Variants in CAMK1G observed in about 807,000 individuals in gnomAD.
CAMK1G encodes the protein calcium/calmodulin dependent protein kinase IG.
A neutral mutation model predicts 54.8 loss-of-function variants in CAMK1G; 27 were observed. The observed-to-expected ratio is 0.49, with a 90% CI of 0.36 to 0.68. CAMK1G has a LOEUF of 0.68. Among genes scored for constraint, CAMK1G ranks in the 30% least tolerant of loss-of-function variants. CAMK1G has a pLI of 0.00. For synonymous variants in CAMK1G, 238 were observed against 224.9 expected (o/e 1.06, Z -0.52); for missense variants, 512 against 591.0 (o/e 0.87, Z 1.39).
intron 5 of CAMK1G, 32 bp downstream of exon 5, chr1:209,605,706 G>A: frequency 6.2e-7 from 1 of 1,603,652 alleles, no homozygotes; most frequent in Non-Finnish European, 8.5e-7. Context: ...GTGGGAAACA[G>A]ATAATGACCC....
In CAMK1G at chr1:209,589,662, A is replaced by T. The variant is rs572079071; in HGVS notation, c.-29-5293A>T. Among the ~76,000 whole-genome samples the T allele has an allele frequency of 9.9e-5, 15 of 152,284 alleles. No homozygotes were observed. In the South Asian group the frequency reaches 2.7e-3, roughly 27 times the overall value. ...GCCAGGAACAGTAGTAGGTTCTAGG[A>T]TTTCAAAGATGAGTAATACATGGTC... On this transcript the variant is annotated intron_variant, in intron 1 of 12. Transcript: ENST00000361322.
intron 8 of CAMK1G, 149 bp downstream of exon 8, chr1:209,609,241 G>T: frequency 1.1e-6 from 1 of 910,348 alleles, no homozygotes; most frequent in Non-Finnish European, 1.6e-6. Context: ...AGAAATCTTC[G>T]TCTGCTTCAA....
rs1245814691 is a variant in CAMK1G, at chr1:209,594,972, A to G, written c.-12A>G. Reference sequence around the variant, plus strand: ...CAATAAAGCATCCTCAGAAGCTTCAACTCTGGAGGCAATGGGTCGAAAGGA... The same window carrying G: ...CAATAAAGCATCCTCAGAAGCTTCAGCTCTGGAGGCAATGGGTCGAAAGGA... On this transcript the variant is annotated 5_prime_UTR_variant, in exon 2 of 13. Transcript: ENST00000361322. 9 of 1,612,686 alleles carry G rather than the reference A, an allele frequency of 5.6e-6. No homozygotes were observed. The highest frequency in any genetic ancestry group is 6.8e-6 in the Non-Finnish European group (8 of 1,179,092).
chr1:209,600,168 A>G, intron 3 of CAMK1G, 57 bp downstream of exon 3: 1 of 1,580,952 alleles, frequency 6.3e-7, no homozygotes, highest in East Asian at 2.3e-5. Flanking sequence ...TTTCTTCACA[A>G]ATTACCTTCA....
In CAMK1G at chr1:209,592,198, T is replaced by A. The variant is rs192107210; in HGVS notation, c.-29-2757T>A. Among the ~76,000 whole-genome samples, 396 of 151,754 alleles carry A rather than the reference T, an allele frequency of 2.6e-3. 9 individuals carry two copies. Among genetic ancestry groups the A allele is most frequent in the Non-Finnish European group, 4.3e-4 (29 of 67,896 alleles). ...CCTGTCTTTGGAAAAAAAATTAATA[T>A]TTGGCAGGCGTGTTGATGCATGCCT... is the stretch of plus-strand genomic sequence containing the variant. On this transcript the variant is annotated intron_variant, in intron 1 of 12. Coordinates refer to ENST00000361322, the MANE Select transcript of CAMK1G (RefSeq NM_020439.3).
At chr1:209,611,582 G>T (rs2076230) in intron 10 of CAMK1G, 30 bp downstream of exon 10, 529,877 of 1,596,096 alleles carry the variant, frequency 0.33, 89,910 homozygotes, top group African/African-American at 0.44. Flanking sequence ...GGGTGGGAAA[G>T]CTGTTCTGGG....
At chr1:209,609,134 T>C (rs779935368) in intron 8 of CAMK1G, 42 bp downstream of exon 8, 3 of 1,612,786 alleles carry the variant, frequency 1.9e-6, no homozygotes, top group Non-Finnish European at 2.5e-6. Flanking sequence ...AGGCTCAAGG[T>C]AGAGGCTGCC....
At chr1:209,589,478 C>T (rs991969161) in intron 1 of CAMK1G, among the ~76,000 whole-genome samples, 1 of 152,204 alleles carries the variant, frequency 6.6e-6, no homozygotes, top group Non-Finnish European at 1.5e-5. Context: ...GGTCTTCTTG[C>T]TATAGGCTCC....
In CAMK1G at chr1:209,603,210, C is replaced by A; in HGVS notation, c.222-4C>A. On this transcript the variant is annotated splice_region_variant and splice_polypyrimidine_tract_variant and intron_variant, in intron 3 of 12. Coordinates refer to ENST00000361322, the MANE Select transcript of CAMK1G (RefSeq NM_020439.3). ...CCTTTCATCATGCACTTTATTTTTC[C>A]CAGGATCAAGCATGAAAACATTGTG... 1.2e-6 allele frequency: 2 copies of A among 1,613,966 alleles called. No homozygotes were observed. The highest frequency in any genetic ancestry group is 1.7e-6 in the Non-Finnish European group (2 of 1,179,940).
At chr1:209,597,686 G>A (rs78144718) in intron 2 of CAMK1G, among the ~76,000 whole-genome samples, 2,342 of 152,320 alleles carry the variant, frequency 0.015, 33 homozygotes, top group Non-Finnish European at 0.026. Flanking sequence ...GTGCAGCTGG[G>A]AAAACAGGAA....
Position 209,612,776 on chromosome 1 carries a change from C to A in CAMK1G, c.1341-9C>A, listed in dbSNP as rs1170771319. On this transcript the variant is annotated splice_polypyrimidine_tract_variant and intron_variant, in intron 11 of 12. Coordinates refer to ENST00000361322, the MANE Select transcript of CAMK1G (RefSeq NM_020439.3). ...TACTTCAAAGGTTGTTGCTTCATTT[C>A]CTTTCTAGGAACTTCAAGTCGGAGG... is the stretch of plus-strand genomic sequence containing the variant. 1.9e-6 allele frequency: 3 copies of A among 1,613,356 alleles called. No individual in the cohort carries two copies. Among genetic ancestry groups the A allele is most frequent in the Non-Finnish European group, 2.5e-6 (3 of 1,179,476 alleles).
At chr1:209,591,171 C>G (rs745572242) in intron 1 of CAMK1G, among the ~76,000 whole-genome samples, 1 of 152,122 alleles carries the variant, frequency 6.6e-6, no homozygotes, top group Non-Finnish European at 1.5e-5. Flanking sequence ...CCCTCGAAGT[C>G]AAGTGTCAGC....
intron 4 of CAMK1G, 130 bp from the exon 5 acceptor site, chr1:209,605,406 C>G: frequency 1.8e-6 from 2 of 1,096,708 alleles, no homozygotes; most frequent in Non-Finnish European, 1.3e-6. Context: ...GCTGGCAGCC[C>G]TTCAATCACA....
intron 1 of CAMK1G, among the ~76,000 whole-genome samples, chr1:209,584,337 TCAGTC>T (rs1467307684): frequency 3.3e-5 from 5 of 152,216 alleles, no homozygotes; most frequent in Non-Finnish European, 5.9e-5. Context: ...CGAGTCAGCC[TCAGTC>T]CCTCCTGGAG....
In CAMK1G at chr1:209,611,841, T is replaced by A. The variant is rs145387182; in HGVS notation, c.965T>A (p.Met322Lys). Residue 322 changes from methionine to lysine, a missense_variant, in exon 11 of 13, where the codon ATG (methionine) becomes AAG (lysine). Transcript: ENST00000361322. ...AVVHHMRKLH[M>K]NLHSPGVRPE... is the part of the protein sequence containing the mutation. Reference sequence around the variant, plus strand: ...GTGCACCACATGAGGAAGCTACACATGAACCTGCACAGCCCGGGCGTCCGC... The same window carrying A: ...GTGCACCACATGAGGAAGCTACACAAGAACCTGCACAGCCCGGGCGTCCGC... The A allele has an allele frequency of 1.9e-6, 3 of 1,614,184 alleles. No homozygotes were observed. Among genetic ancestry groups the A allele is most frequent in the Non-Finnish European group, 1.7e-6 (2 of 1,180,038 alleles).
intron 2 of CAMK1G, among the ~76,000 whole-genome samples, chr1:209,597,974 A>C (rs1372074771): frequency 6.6e-6 from 1 of 152,232 alleles, no homozygotes; most frequent in Non-Finnish European, 1.5e-5. Flanking sequence ...AAGTCATTTA[A>C]TCTTCTAAAC....
rs748976817 is a variant in CAMK1G, at chr1:209,605,656, C to T, written c.417C>T (p.Ile139=). Residue 139 remains isoleucine (I), a synonymous_variant, in exon 5 of 13, where the codon ATC becomes ATT. Coordinates refer to ENST00000361322, the MANE Select transcript of CAMK1G (RefSeq NM_020439.3). ...TGAAATACCTACATGAGAATGGCAT[C>T]GTCCACAGAGACTTAAAGGTGTCAA... is the stretch of plus-strand genomic sequence containing the variant. ...SAVKYLHENG[I]VHRDLKPENL... 5.5e-5 allele frequency: 88 copies of T among 1,613,652 alleles called. No homozygotes were observed. The highest frequency in any genetic ancestry group is 1.6e-4 in the Middle Eastern group (1 of 6,084).
Position 209,609,089 on chromosome 1 carries a change from T to C in CAMK1G, c.745T>C (p.Ser249Pro). Residue 249 changes from serine (S) to proline (P), a missense_variant, in exon 8 of 13, where the codon TCA (serine) becomes CCA (proline). Coordinates refer to ENST00000361322, the MANE Select transcript of CAMK1G (RefSeq NM_020439.3). ...ESPFWDDISESAKDFICHLLE... is the reference protein window; with the variant it reads ...ESPFWDDISEPAKDFICHLLE... Reference sequence around the variant, plus strand: ...TCCATTCTGGGATGACATTTCTGAGTCAGGTAAGGCCAGTAGGCATGAAGG... The same window carrying C: ...TCCATTCTGGGATGACATTTCTGAGCCAGGTAAGGCCAGTAGGCATGAAGG... 1 of 1,613,974 alleles carries C rather than the reference T, an allele frequency of 6.2e-7. No homozygotes were observed. The highest frequency in any genetic ancestry group is 8.5e-7 in the Non-Finnish European group (1 of 1,179,990).
intron 4 of CAMK1G, among the ~76,000 whole-genome samples, 173 bp downstream of exon 4, chr1:209,603,461 T>A (rs1383634987): frequency 6.6e-6 from 1 of 152,182 alleles, no homozygotes; most frequent in East Asian, 1.9e-4. Context: ...CCTCTGGTCA[T>A]GGGCAGGTTC....
Sources: gnomAD v4.1 joint callset for allele counts (sites outside exome capture counted in the v4.1 genomes callset) on GRCh38, gnomAD v4.1.1 for gene constraint, MANE v1.5 for transcripts, NCBI Gene and HGNC (gene_info 2026-07-23, HGNC 2026-07-21) for gene names.